Variants in SLC13A5 observed in about 807,000 individuals in gnomAD.
The protein encoded by SLC13A5 is Na(+)/citrate cotransporter.
SLC13A5 carries 25 observed loss-of-function variants against 56.5 expected under a neutral mutation model. The observed-to-expected ratio is 0.44, with a 90% confidence interval of 0.32 to 0.62. The LOEUF (loss-of-function observed/expected upper bound fraction) is 0.62, where lower values mean the gene tolerates loss of function less well. Among genes scored for constraint, SLC13A5 ranks in the 20% least tolerant of loss-of-function variants. The probability of loss-of-function intolerance (pLI) is 0.04; values close to 1 mark genes in which losing one functional copy is unlikely to be tolerated. For missense variants in SLC13A5, 649 were observed against 737.8 expected (o/e 0.88, Z 1.39); for synonymous variants, 307 against 301.5 (o/e 1.02, Z -0.19).
chr17:6,703,913 T>C lies in SLC13A5; in HGVS notation c.512A>G (p.Glu171Gly), dbSNP rs1412352155. 7.0e-6 allele frequency: 11 copies of C among 1,581,894 alleles called. No homozygotes were observed. In the South Asian group the frequency reaches 1.3e-4, roughly 18 times the overall value. Residue 171 changes from glutamate to glycine, a missense_variant, in exon 4 of 12, where the codon GAG (glutamate) becomes GGG (glycine). By Grantham distance (98) the Glu-to-Gly change is moderately conservative (BLOSUM62 -2). Transcript: ENST00000433363. ...ATSAATEAGL[E>G]LVDKGKAKEL... ...CTTGGCCTTGCCCTTGTCCACCAGCTCCAGGCCGGCCTCGGTGGCTGCGCT... is the reference window on the plus strand; with the variant it reads ...CTTGGCCTTGCCCTTGTCCACCAGCCCCAGGCCGGCCTCGGTGGCTGCGCT...
chr17:6,702,918 C>G (rs1245995036), intron 5 of SLC13A5, 52 bp downstream of exon 5: 3 of 1,591,058 alleles, frequency 1.9e-6, no homozygotes, highest in East Asian at 2.2e-5. Context: ...GCAGGTCCCT[C>G]CAGCCCCGGT....
Position 6,687,759 on chromosome 17 carries a change from C to T in SLC13A5, c.1438-93G>A, listed in dbSNP as rs1463497992. On this transcript the variant is annotated intron_variant, in intron 10 of 11. Transcript: ENST00000433363. The surrounding 1 kb of genome is among the most constrained non-coding windows in gnomAD (Gnocchi z 5.0). ...AAGGATTCTCTGAATGTGCCGGGTA[C>T]GTTTGAACCTCTGTGCCTCAGTCTT... is the stretch of plus-strand genomic sequence containing the variant. The T allele has an allele frequency of 4.2e-6, 6 of 1,425,004 alleles. No individual in the cohort carries two copies. The highest frequency in any genetic ancestry group is 3.1e-5 in the South Asian group (2 of 63,618). 88.3% of individuals were successfully genotyped at this position (1,425,004 alleles called of 1,614,324 possible).
intron 10 of SLC13A5, 138 bp downstream of exon 10, chr17:6,690,641 T>A: frequency 8.2e-7 from 1 of 1,215,324 alleles, no homozygotes; most frequent in Non-Finnish European, 1.2e-6. Flanking sequence ...GGTCCACAAA[T>A]CCACGTCACA....
chr17:6,686,465 C>T, intron 11 of SLC13A5, 127 bp from the exon 12 acceptor site: 1 of 1,243,386 alleles, frequency 8.0e-7, no homozygotes, highest in Non-Finnish European at 1.1e-6. Context: ...GCTGGGGTGT[C>T]CCGACCCCCA....
chr17:6,693,315 A>C lies in SLC13A5; in HGVS notation c.1157-153T>G, dbSNP rs147653004. On this transcript the variant is annotated intron_variant, in intron 8 of 11. Coordinates refer to ENST00000433363, the MANE Select transcript of SLC13A5 (RefSeq NM_177550.5). The stretch of plus-strand genomic sequence containing the variant: ...AATGAGGTACCATCTCCTACTTATA[A>C]ATTAGCTAAAGTTTACAATAATATA... The C allele has an allele frequency of 1.4e-3, 834 of 586,640 alleles. 3 individuals carry two copies. Among genetic ancestry groups the C allele is most frequent in the African/African-American group, 0.013 (672 of 53,312 alleles). The allele number at this position is 586,640 out of a possible 1,614,324, so 36.3% of individuals were successfully genotyped here.
intron 1 of SLC13A5, among the ~76,000 whole-genome samples, chr17:6,707,498 AAGGAGAAGG>A (rs1316492549): frequency 1.8e-4 from 28 of 152,188 alleles, no homozygotes; most frequent in Admixed American, 1.8e-3. Flanking sequence ...AAGGAGAAAG[AAGGAGAAGG>A]AGGAGAAGGA....
At chr17:6,686,489 T>C in intron 11 of SLC13A5, 151 bp from the exon 12 acceptor site, 1 of 884,996 alleles carries the variant, frequency 1.1e-6, no homozygotes, top group South Asian at 1.7e-5. Context: ...CAGTGCGACT[T>C]CATGTCCCCC....
chr17:6,702,795 CCA>C (rs201202615), intron 5 of SLC13A5, among the ~76,000 whole-genome samples, 173 bp downstream of exon 5: 16,430 of 152,184 alleles, frequency 0.11, 1,170 homozygotes, highest in East Asian at 0.4. Flanking sequence ...CACAGGGGTG[CCA>C]GGACACAGAG....
chr17:6,693,349 T>G (rs926628215), intron 8 of SLC13A5, 187 bp from the exon 9 acceptor site: 32 of 546,178 alleles, frequency 5.9e-5, no homozygotes, highest in Non-Finnish European at 9.6e-5. Flanking sequence ...TATACATTGC[T>G]GGTGAGGATA....
chr17:6,709,504 G>A (rs1050843195), intron 1 of SLC13A5, among the ~76,000 whole-genome samples: 2 of 151,972 alleles, frequency 1.3e-5, no homozygotes, highest in Non-Finnish European at 2.9e-5. Flanking sequence ...TCCTGGCCTC[G>A]TGATCCACCT....
intron 6 of SLC13A5, among the ~76,000 whole-genome samples, chr17:6,697,959 C>T (rs576985151): frequency 1.8e-4 from 27 of 152,332 alleles, no homozygotes; most frequent in African/African-American, 6.5e-4. Context: ...GTGGAGCTGC[C>T]TCCTGCCGCT....
rs199612064 is a variant in SLC13A5 at position 6,695,826 on chromosome 17, C to T, written c.955G>A (p.Val319Met). 2.0e-5 allele frequency: 32 copies of T among 1,614,166 alleles called. No individual in the cohort carries two copies. Among genetic ancestry groups the T allele is most frequent in the Middle Eastern group, 3.3e-4 (2 of 6,062 alleles). Residue 319 changes from valine (V) to methionine (M), a missense_variant, in exon 7 of 12, where the codon GTG (valine) becomes ATG (methionine). By Grantham distance (21) the Val-to-Met change is conservative. Coordinates refer to ENST00000433363, the MANE Select transcript of SLC13A5 (RefSeq NM_177550.5). Reference sequence around the variant, plus strand: ...ACCAGCAGGAAGAAGCAGATCAGCACGTTGATCTCCGCGAAGGACAAGGGC... The same window carrying T: ...ACCAGCAGGAAGAAGCAGATCAGCATGTTGATCTCCGCGAAGGACAAGGGC... ...LGPLSFAEINVLICFFLLVIL... is the reference protein window; with the variant it reads ...LGPLSFAEINMLICFFLLVIL...
intron 7 of SLC13A5, among the ~76,000 whole-genome samples, chr17:6,694,968 C>T (rs907123891): frequency 6.6e-6 from 1 of 152,112 alleles, no homozygotes; most frequent in African/African-American, 2.4e-5. Flanking sequence ...CTACATGTAC[C>T]CCCTTTGCCA....
intron 2 of SLC13A5, 29 bp downstream of exon 2, chr17:6,706,999 A>G: frequency 6.2e-7 from 1 of 1,612,988 alleles, no homozygotes; most frequent in Non-Finnish European, 8.5e-7. Context: ...AGAACCAGAA[A>G]GTCACCAGGA....
At chr17:6,686,681 C>T (rs1049285942) in intron 11 of SLC13A5, 2 of 265,338 alleles carry the variant, frequency 7.5e-6, no homozygotes, top group African/African-American at 4.3e-5. Flanking sequence ...ACCCCAGTGC[C>T]TTAACTATCC....
rs1973380584 is a variant in SLC13A5 at position 6,690,640 on chromosome 17, A to G, written c.1437+139T>C. ...GGGCAGAGGCATCCAGGGTCCACAAATCCACGTCACAGTCAGACCTGGGTC... is the reference window on the plus strand; with the variant it reads ...GGGCAGAGGCATCCAGGGTCCACAAGTCCACGTCACAGTCAGACCTGGGTC... On this transcript the variant is annotated intron_variant, in intron 10 of 11. Transcript: ENST00000433363. The G allele has an allele frequency of 2.5e-6, 3 of 1,213,656 alleles. No individual in the cohort carries two copies. The Admixed American group carries it at 5.3e-5, about 22-fold the overall frequency. The allele number at this position is 1,213,656 out of a possible 1,614,324, so 75.2% of individuals were successfully genotyped here. A position where few individuals can be genotyped will look rare whatever the true frequency, so the allele number is the denominator to read the frequency against.
In SLC13A5 at chr17:6,692,290, C is replaced by T. The variant is rs62061538; in HGVS notation, c.1275+754G>A. Among the ~76,000 whole-genome samples, 17,487 of 149,072 alleles carry T rather than the reference C, an allele frequency of 0.12. 1,380 individuals carry two copies. Among genetic ancestry groups the T allele is most frequent in the African/African-American group, 0.22 (8,654 of 39,832 alleles). ...ATGGATGGATGGACGGATGGACGGA[C>T]GGATGGATGGATGAAGACATGAATA... On this transcript the variant is annotated intron_variant, in intron 9 of 11. Coordinates refer to ENST00000433363, the MANE Select transcript of SLC13A5 (RefSeq NM_177550.5). This position sits in a 1 kb window ranked among gnomAD's most constrained non-coding sequence, Gnocchi z 5.5.
At chr17:6,697,676 T>C (rs966711617) in intron 6 of SLC13A5, among the ~76,000 whole-genome samples, 3 of 152,172 alleles carry the variant, frequency 2.0e-5, no homozygotes, top group African/African-American at 7.2e-5. Flanking sequence ...GAGCTTTGCA[T>C]GCCTCTGCCC....
chr17:6,701,809 T>C lies in SLC13A5; in HGVS notation c.717-683A>G, dbSNP rs952083147. On this transcript the variant is annotated intron_variant, in intron 5 of 11. Coordinates refer to ENST00000433363, the MANE Select transcript of SLC13A5 (RefSeq NM_177550.5). The surrounding 1 kb of genome is among the most constrained non-coding windows in gnomAD (Gnocchi z 4.1). ...GACCTCAGCAATCTCGCTCTGTGGGTTTCTGCAAAGAACGGTCCCCCCACT... is the reference window on the plus strand; with the variant it reads ...GACCTCAGCAATCTCGCTCTGTGGGCTTCTGCAAAGAACGGTCCCCCCACT... Among the ~76,000 whole-genome samples the C allele has an allele frequency of 6.6e-6, 1 of 152,116 alleles. No individual in the cohort carries two copies. Among genetic ancestry groups the C allele is most frequent in the Non-Finnish European group, 1.5e-5 (1 of 68,010 alleles).
Sources: allele counts gnomAD v4.1 joint callset (sites outside exome capture counted in the v4.1 genomes callset), GRCh38; gene constraint gnomAD v4.1.1; non-coding constraint Gnocchi (gnomAD v3.1); transcripts MANE v1.5; gene names NCBI Gene and HGNC (gene_info 2026-07-23, HGNC 2026-07-21).